STXBP6: variants seen among roughly 807,000 people sequenced by gnomAD.
The protein encoded by STXBP6 is syntaxin-binding protein 6.
Under a neutral mutation model 26.9 loss-of-function variants are expected in STXBP6, and 21 were observed. That is an observed-to-expected ratio of 0.78 (90% CI 0.55 to 1.12). The LOEUF is 1.12. Among genes scored for constraint, STXBP6 ranks in the 50% most tolerant of loss-of-function variants. The pLI, the probability that STXBP6 is intolerant of heterozygous loss-of-function variation, is 0.00. For missense variants in STXBP6, 232 were observed against 257.9 expected (o/e 0.90, Z 0.69); for synonymous variants, 97 against 92.6 (o/e 1.05, Z -0.27).
At chr14:24,841,250 T>A (rs560897771) in intron 4 of STXBP6, among the ~76,000 whole-genome samples, 10 of 152,326 alleles carry the variant, frequency 6.6e-5, no homozygotes, top group Admixed American at 3.9e-4. Context: ...TTGACAGTTA[T>A]TTCTGGAACT....
intron 2 of STXBP6, among the ~76,000 whole-genome samples, chr14:24,860,348 A>G (rs987638374): frequency 2.0e-5 from 3 of 152,174 alleles, no homozygotes; most frequent in African/African-American, 7.2e-5. Context: ...CTGGTAGAAG[A>G]GGGAACAAAG....
At chr14:24,826,940 C>T (rs1703566593) in intron 4 of STXBP6, among the ~76,000 whole-genome samples, 1 of 152,222 alleles carries the variant, frequency 6.6e-6, no homozygotes, top group African/African-American at 2.4e-5. Flanking sequence ...TGGCTCATGC[C>T]TGTAATCTCA....
intron 2 of STXBP6, among the ~76,000 whole-genome samples, chr14:24,958,446 C>T (rs151029189): frequency 4.6e-3 from 702 of 152,190 alleles, no homozygotes; most frequent in Non-Finnish European, 6.7e-3. Context: ...CTTTCTTCCA[C>T]TGACCTCAAC....
chr14:24,875,247 C>T (rs1352770233), intron 2 of STXBP6, among the ~76,000 whole-genome samples: 1 of 152,130 alleles, frequency 6.6e-6, no homozygotes, highest in African/African-American at 2.4e-5. Flanking sequence ...CCTAAGAGCG[C>T]CCTCACAATT....
rs543944400 is a variant in STXBP6, at chr14:24,918,757, T to C, written c.154+55908A>G. On this transcript the variant is annotated intron_variant, in intron 2 of 5. Coordinates refer to ENST00000323944, the MANE Select transcript of STXBP6 (RefSeq NM_001394410.1). Reference sequence around the variant, plus strand: ...CTCACCCTAGAACACAACTGATTGTTGACATGAAATGTGAAAAAAGCAGAA... The same window carrying C: ...CTCACCCTAGAACACAACTGATTGTCGACATGAAATGTGAAAAAAGCAGAA... Among the ~76,000 whole-genome samples, 4 of 152,196 alleles carry C rather than the reference T, an allele frequency of 2.6e-5. No homozygotes were observed. The South Asian group carries it at 8.3e-4, about 31-fold the overall frequency.
chr14:24,857,105 T>C lies in STXBP6; in HGVS notation c.207A>G (p.Glu69=). Residue 69 remains glutamate (E), a synonymous_variant, in exon 3 of 6, where the codon GAA becomes GAG. Coordinates refer to ENST00000323944, the MANE Select transcript of STXBP6 (RefSeq NM_001394410.1). ...QASITKVKQF[E]GSTSFVRRSQ... is the part of the protein sequence containing the mutation. ...ATCTCCGAACAAATGATGTGGAGCC[T>C]TCAAACTGTTTGACCTTTGTGATGG... 6.2e-7 allele frequency: 1 copy of C among 1,613,108 alleles called. No individual in the cohort carries two copies. Among genetic ancestry groups the C allele is most frequent in the South Asian group, 1.1e-5 (1 of 91,058 alleles).
intron 2 of STXBP6, among the ~76,000 whole-genome samples, chr14:24,884,324 G>T (rs2070488584): frequency 1.3e-5 from 2 of 152,172 alleles, no homozygotes; most frequent in Admixed American, 1.3e-4. Flanking sequence ...CTGAAGAACA[G>T]CTGCAAACAG....
At chr14:24,847,915 A>C (rs1052982662) in intron 4 of STXBP6, among the ~76,000 whole-genome samples, 1 of 152,176 alleles carries the variant, frequency 6.6e-6, no homozygotes, top group Non-Finnish European at 1.5e-5. Flanking sequence ...AATGCAACAC[A>C]ATCAGCATTC....
At chr14:25,002,523 C>A (rs2074788288) in intron 1 of STXBP6, among the ~76,000 whole-genome samples, 1 of 151,968 alleles carries the variant, frequency 6.6e-6, no homozygotes, top group Admixed American at 6.5e-5. Context: ...CCACAGCCAG[C>A]TAATTTTTTG....
chr14:24,926,324 C>A (rs2072167388), intron 2 of STXBP6, among the ~76,000 whole-genome samples: 1 of 147,056 alleles, frequency 6.8e-6, no homozygotes, highest in African/African-American at 2.5e-5. Flanking sequence ...GGAGAATAAA[C>A]ACACTTTCTG....
At chr14:24,861,910 C>T (rs1187507727) in intron 2 of STXBP6, among the ~76,000 whole-genome samples, 1 of 152,216 alleles carries the variant, frequency 6.6e-6, no homozygotes, top group East Asian at 1.9e-4. Context: ...TCTGTTTCTT[C>T]CTTCCCATCT....
intron 2 of STXBP6, among the ~76,000 whole-genome samples, chr14:24,859,162 C>A (rs1442212384): frequency 6.6e-6 from 1 of 152,176 alleles, no homozygotes; most frequent in East Asian, 1.9e-4. Flanking sequence ...GGAACCCCAA[C>A]TATTATGACA....
intron 4 of STXBP6, among the ~76,000 whole-genome samples, chr14:24,832,398 C>T (rs1400120937): frequency 1.3e-5 from 2 of 152,174 alleles, no homozygotes; most frequent in Non-Finnish European, 2.9e-5. Context: ...ACCTCATAGA[C>T]AGATTGGGTA....
At chr14:24,969,068 C>T (rs2073823223) in intron 2 of STXBP6, among the ~76,000 whole-genome samples, 1 of 152,128 alleles carries the variant, frequency 6.6e-6, no homozygotes, top group Non-Finnish European at 1.5e-5. Flanking sequence ...TTGGCAGGTT[C>T]TACGCTCCTA....
intron 1 of STXBP6, among the ~76,000 whole-genome samples, chr14:24,996,237 CTAGAT>C (rs2140307609): frequency 6.6e-6 from 1 of 152,192 alleles, no homozygotes; most frequent in Admixed American, 6.5e-5. Context: ...ACAAAAGCTC[CTAGAT>C]TAATTTTTTA....
chr14:24,824,491 G>A (rs2068228331), intron 4 of STXBP6, among the ~76,000 whole-genome samples: 1 of 152,170 alleles, frequency 6.6e-6, no homozygotes, highest in South Asian at 2.1e-4. Context: ...ATAGAAGTTG[G>A]CTCTTAATCC....
intron 1 of STXBP6, among the ~76,000 whole-genome samples, chr14:25,045,524 G>A (rs1326904810): frequency 6.6e-6 from 1 of 150,648 alleles, no homozygotes; most frequent in African/African-American, 2.4e-5. Context: ...GTCATCAATT[G>A]ATAGTCACTA....
intron 2 of STXBP6, among the ~76,000 whole-genome samples, chr14:24,887,946 C>T (rs2070650942): frequency 6.6e-6 from 1 of 152,196 alleles, no homozygotes; most frequent in African/African-American, 2.4e-5. Context: ...ATTCTCCACT[C>T]TATTTTAAGC....
At chr14:24,837,350 C>T (rs1485195833) in intron 4 of STXBP6, among the ~76,000 whole-genome samples, 2 of 152,154 alleles carry the variant, frequency 1.3e-5, no homozygotes, top group Non-Finnish European at 2.9e-5. Context: ...GTAGCATCAT[C>T]TTTCTTTACT....
Sources: allele counts gnomAD v4.1 joint callset (sites outside exome capture counted in the v4.1 genomes callset), GRCh38; gene constraint gnomAD v4.1.1; transcripts MANE v1.5; gene names NCBI Gene and HGNC (gene_info 2026-07-23, HGNC 2026-07-21).